PDS5A: variants seen among roughly 807,000 people sequenced by gnomAD.
PDS5A encodes the protein PDS5 cohesin associated factor A.
A neutral mutation model predicts 167.1 loss-of-function variants in PDS5A; 42 were observed. That is an observed-to-expected ratio of 0.25 (90% CI 0.20 to 0.33). The LOEUF (loss-of-function observed/expected upper bound fraction) is 0.33, where lower values mean the gene tolerates loss of function less well. Among genes scored for constraint, PDS5A ranks in the 10% least tolerant of loss-of-function variants. The pLI, the probability that PDS5A is intolerant of heterozygous loss-of-function variation, is 1.00. For synonymous variants in PDS5A, 553 were observed against 554.6 expected, an observed-to-expected ratio of 1.00 and a Z score of 0.04; for missense variants, 1,033 against 1,605.9, an observed-to-expected ratio of 0.64 and a Z score of 6.10.
chr4:39,976,561 T>G lies in PDS5A; in HGVS notation c.17A>C (p.Gln6Pro), dbSNP rs1731105215. The G allele has an allele frequency of 1.2e-6, 2 of 1,612,242 alleles. No individual in the cohort carries two copies. The change falls in exon 2 of 33, where the codon CAG becomes CCG. Residue 6 changes from glutamine to proline, a missense_variant. Physicochemically the swap from Gln to Pro is moderately conservative, Grantham distance 76. Coordinates refer to ENST00000303538, the MANE Select transcript of PDS5A (RefSeq NM_001100399.2). ...ACAGAGGGCAGTGGCAGGCTTGGGC[T>G]GCGCGGTGAAGTCCATCCTGGGGGA... MDFTA[Q>P]PKPATALCGV...
At chr4:39,922,073 C>G (rs78180537) in intron 6 of PDS5A, among the ~76,000 whole-genome samples, 1 of 152,004 alleles carries the variant, frequency 6.6e-6, no homozygotes, top group African/African-American at 2.4e-5. Flanking sequence ...AGTGGTGGAG[C>G]CTGAGGGCAG....
At position 39,852,566 on chromosome 4, in the gene PDS5A, C is replaced by T. The variant is rs376466910; in HGVS notation, c.3087-2914G>A. 7.2e-5 allele frequency among the ~76,000 whole-genome samples: 11 copies of T among 152,268 alleles called. No homozygotes were observed. The East Asian group carries it at 1.2e-3, about 16-fold the overall frequency. On this transcript the variant is annotated intron_variant, in intron 26 of 32. Transcript: ENST00000303538. The stretch of plus-strand genomic sequence containing the variant: ...AAACCATACCCCCACCCCAAGAATG[C>T]TTGCCTTGCATTCCCCTAAAAGTTA...
intron 20 of PDS5A, 85 bp downstream of exon 20, chr4:39,874,204 T>A (rs2109576955): frequency 2.6e-6 from 3 of 1,176,348 alleles, no homozygotes; most frequent in Non-Finnish European, 3.7e-6. Context: ...TAAACAGCTT[T>A]AAAAAATCTA....
At chr4:39,836,122 T>C (rs1483883355) in intron 32 of PDS5A, among the ~76,000 whole-genome samples, 1 of 152,240 alleles carries the variant, frequency 6.6e-6, no homozygotes, top group Non-Finnish European at 1.5e-5. Flanking sequence ...TTCTTTATAT[T>C]TACTGATCCA....
chr4:39,915,355 T>A (rs1156559091), intron 8 of PDS5A, among the ~76,000 whole-genome samples: 4 of 147,964 alleles, frequency 2.7e-5, no homozygotes, highest in Non-Finnish European at 6.0e-5. Flanking sequence ...TTTTTTTTTT[T>A]TTTTTTTTTT....
chr4:39,897,344 G>C (rs1038958742), intron 16 of PDS5A, among the ~76,000 whole-genome samples: 1 of 152,152 alleles, frequency 6.6e-6, no homozygotes, highest in South Asian at 2.1e-4. Context: ...GCAGTGAGGT[G>C]AGATAATCAC....
At chr4:39,930,395 TTGAG>T (rs1412483149) in intron 2 of PDS5A, among the ~76,000 whole-genome samples, 1 of 151,544 alleles carries the variant, frequency 6.6e-6, no homozygotes, top group South Asian at 2.1e-4. Flanking sequence ...GCCTGGGCTA[TTGAG>T]TATTTTTTGA....
intron 2 of PDS5A, among the ~76,000 whole-genome samples, chr4:39,931,264 C>CA (rs1553904011): frequency 6.9e-6 from 1 of 145,784 alleles, no homozygotes; most frequent in Non-Finnish European, 1.5e-5. Flanking sequence ...AGGTTTTGTA[C>CA]TTTTTTTTTT....
intron 2 of PDS5A, chr4:39,976,123 A>C (rs1042146840): frequency 5.5e-4 from 99 of 179,440 alleles, no homozygotes; most frequent in African/African-American, 2.2e-3. Context: ...TAGGCAAATT[A>C]CTGCCTACAC....
At chr4:39,862,779 A>G in intron 25 of PDS5A, 90 bp downstream of exon 25, 2 of 762,778 alleles carry the variant, frequency 2.6e-6, no homozygotes, top group East Asian at 2.6e-5. Flanking sequence ...ATTATAAACT[A>G]TAATAGAAAC....
intron 9 of PDS5A, 24 bp from the exon 10 acceptor site, chr4:39,910,362 C>T (rs1723783570): frequency 8.3e-7 from 1 of 1,198,478 alleles, no homozygotes; most frequent in Non-Finnish European, 1.2e-6. Context: ...GATTGCTAAA[C>T]ATTAATTGTA....
chr4:39,892,790 C>T (rs1416373543), intron 16 of PDS5A, among the ~76,000 whole-genome samples: 3 of 152,178 alleles, frequency 2.0e-5, no homozygotes, highest in South Asian at 4.1e-4. Flanking sequence ...CCATAAACCA[C>T]TCATGTTGAA....
chr4:39,839,456 C>T (rs1478695459), intron 31 of PDS5A, among the ~76,000 whole-genome samples: 1 of 151,948 alleles, frequency 6.6e-6, no homozygotes, highest in Non-Finnish European at 1.5e-5. Context: ...TATAATCCAG[C>T]TACTCAGGAG....
At chr4:39,863,176 G>A (rs1235053751) in intron 24 of PDS5A, 103 bp from the exon 25 acceptor site, 2 of 967,888 alleles carry the variant, frequency 2.1e-6, no homozygotes, top group African/African-American at 1.7e-5. Context: ...ATAATTATAT[G>A]GGAGAATAAA....
intron 2 of PDS5A, among the ~76,000 whole-genome samples, chr4:39,929,519 CTATATATATATATATATATATA>C (rs58069502): frequency 0.061 from 4,871 of 79,414 alleles, 302 homozygotes; most frequent in East Asian, 0.3. Flanking sequence ...ACTTAATAAA[CTATATATATATATATATATATA>C]TATATATATA....
intron 30 of PDS5A, among the ~76,000 whole-genome samples, 160 bp downstream of exon 30, chr4:39,844,496 A>C (rs1214077637): frequency 6.8e-6 from 1 of 146,138 alleles, no homozygotes; most frequent in African/African-American, 2.5e-5. Flanking sequence ...AAAAAAAAAC[A>C]AAAAAAAACC....
chr4:39,884,877 T>C (rs1313735997), intron 17 of PDS5A, among the ~76,000 whole-genome samples: 1 of 152,128 alleles, frequency 6.6e-6, no homozygotes, highest in East Asian at 1.9e-4. Context: ...ATTAACTAAC[T>C]GTAGCACACA....
At chr4:39,974,759 G>A (rs943338114) in intron 2 of PDS5A, among the ~76,000 whole-genome samples, 15 of 152,058 alleles carry the variant, frequency 9.9e-5, no homozygotes, top group South Asian at 2.1e-4. Flanking sequence ...TGCCTGCCTC[G>A]GCCTCCCGAA....
chr4:39,929,523 A>G (rs923975708), intron 2 of PDS5A, among the ~76,000 whole-genome samples: 2 of 35,108 alleles, frequency 5.7e-5, no homozygotes, highest in Non-Finnish European at 1.5e-4. Context: ...AATAAACTAT[A>G]TATATATATA....
Sources: gnomAD v4.1 joint callset for allele counts (sites outside exome capture counted in the v4.1 genomes callset) on GRCh38, gnomAD v4.1.1 for gene constraint, MANE v1.5 for transcripts, NCBI Gene and HGNC (gene_info 2026-07-23, HGNC 2026-07-21) for gene names.